The following ARL5A variants were observed in gnomAD, a reference collection of about 807,000 sequenced individuals.
ARL5A encodes ADP-ribosylation factor-like protein 5A.
Under a neutral mutation model 25.9 loss-of-function variants are expected in ARL5A, and 18 were observed. The observed-to-expected ratio is 0.69, with a 90% confidence interval of 0.48 to 1.03. ARL5A has a LOEUF of 1.03. ARL5A is among the 50% of genes least tolerant of loss of function. The pLI is 0.00. For missense variants in ARL5A, 170 were observed against 211.9 expected (o/e 0.80, Z 1.23); for synonymous variants, 61 against 67.5 (o/e 0.90, Z 0.47).
intron 1 of ARL5A, among the ~76,000 whole-genome samples, chr2:151,823,290 T>C (rs186221228): frequency 6.6e-6 from 1 of 152,158 alleles, no homozygotes; most frequent in Non-Finnish European, 1.5e-5. Context: ...TCTGCTTAAG[T>C]CGTTTTGTAT....
At chr2:151,818,482 T>C (rs1407577923) in intron 1 of ARL5A, among the ~76,000 whole-genome samples, 1 of 152,056 alleles carries the variant, frequency 6.6e-6, no homozygotes, top group Non-Finnish European at 1.5e-5. Context: ...TCCCTGTGTT[T>C]CCCAGGCCGG....
rs746379591 is a variant in ARL5A, at chr2:151,814,252, T to C, written c.172A>G (p.Asn58Asp). Residue 58 changes from asparagine (N) to aspartate (D), a missense_variant, in exon 3 of 6, where the codon AAT becomes GAT. By Grantham distance (23) the Asn-to-Asp change is conservative (BLOSUM62 1). Transcript: ENST00000295087. The stretch of plus-strand genomic sequence containing the variant: ...TCCCACATTAGGAAACGTGTATTAT[T>C]AATCACTATCTCTTCTACATTACTT... Reference protein sequence around the residue: ...IGSNVEEIVINNTRFLMWDIG... With the variant: ...IGSNVEEIVIDNTRFLMWDIG... 8 of 1,606,218 alleles carry C rather than the reference T, an allele frequency of 5.0e-6. No homozygotes were observed. The highest frequency in any genetic ancestry group is 1.7e-4 in the Middle Eastern group (1 of 5,742).
chr2:151,825,801 T>C (rs1244481031), intron 1 of ARL5A, among the ~76,000 whole-genome samples: 1 of 151,030 alleles, frequency 6.6e-6, no homozygotes, highest in Non-Finnish European at 1.5e-5. Flanking sequence ...AACACATATC[T>C]AACTTATATA....
chr2:151,812,584 T>C (rs758945531), intron 3 of ARL5A, 144 bp from the exon 4 acceptor site: 1 of 501,068 alleles, frequency 2.0e-6, no homozygotes, highest in Non-Finnish European at 3.4e-6. Context: ...TACCTATACA[T>C]TGTGAAGCCA....
At chr2:151,809,559 T>C (rs13386934) in intron 4 of ARL5A, among the ~76,000 whole-genome samples, 14,687 of 152,228 alleles carry the variant, frequency 0.096, 918 homozygotes, top group African/African-American at 0.18. Flanking sequence ...AGAAAATAGA[T>C]ATATTAAATT....
At position 151,824,612 on chromosome 2, in the gene ARL5A, C is replaced by T. The variant is rs369213452; in HGVS notation, c.46+3519G>A. On this transcript the variant is annotated intron_variant, in intron 1 of 5. Coordinates refer to ENST00000295087, the MANE Select transcript of ARL5A (RefSeq NM_012097.4). The stretch of plus-strand genomic sequence containing the variant: ...ATACTTATAATTCCTTTTCTAGCAA[C>T]CAACCAAGAGAGCAATACAAGGCTA... Among the ~76,000 whole-genome samples the T allele has an allele frequency of 1.6e-4, 25 of 152,266 alleles. No homozygotes were observed. In the East Asian group the frequency reaches 2.9e-3, roughly 18 times the overall value.
chr2:151,820,741 G>C (rs71415182), intron 1 of ARL5A, among the ~76,000 whole-genome samples: 2 of 151,366 alleles, frequency 1.3e-5, no homozygotes, highest in Admixed American at 6.6e-5. Context: ...GCGTGTCGGA[G>C]ACAGTGATAA....
At chr2:151,806,385 T>C (rs529476710) in intron 5 of ARL5A, among the ~76,000 whole-genome samples, 1 of 152,298 alleles carries the variant, frequency 6.6e-6, no homozygotes, top group Admixed American at 6.5e-5. Context: ...TTGAGCTTCT[T>C]TATGCAGAAA....
chr2:151,803,239 C>A lies in ARL5A; in HGVS notation c.*37G>T, dbSNP rs765140527. 6.5e-7 allele frequency: 1 copy of A among 1,544,334 alleles called. No individual in the cohort carries two copies. Among genetic ancestry groups the A allele is most frequent in the Non-Finnish European group, 8.9e-7 (1 of 1,119,740 alleles). On this transcript the variant is annotated 3_prime_UTR_variant, in exon 6 of 6. Transcript: ENST00000295087. Reference sequence around the variant, plus strand: ...AGCTTTCAGGTAAAGTCCAGCACTTCATTTATACAAAATCTATGAGAAGAG... The same window carrying A: ...AGCTTTCAGGTAAAGTCCAGCACTTAATTTATACAAAATCTATGAGAAGAG...
chr2:151,812,358 T>C lies in ARL5A; in HGVS notation c.338A>G (p.Glu113Gly), dbSNP rs143420605. 3 of 1,596,368 alleles carry C rather than the reference T, an allele frequency of 1.9e-6. No homozygotes were observed. The African/African-American group carries it at 4.0e-5, about 21-fold the overall frequency. ...REELYKMLAHEDLRKAGLLIF... is the reference protein window; with the variant it reads ...REELYKMLAHGDLRKAGLLIF... ...AATGTAAAAAGACTACTTACTTACCTCATGCGCTAACATTTTATAGAGTTC... is the reference window on the plus strand; with the variant it reads ...AATGTAAAAAGACTACTTACTTACCCCATGCGCTAACATTTTATAGAGTTC... The change falls in exon 4 of 6, where the codon GAG becomes GGG. Residue 113 changes from glutamate (E) to glycine (G), a missense_variant and splice_region_variant. Transcript: ENST00000295087.
chr2:151,806,536 C>G (rs1326697753), intron 5 of ARL5A, among the ~76,000 whole-genome samples: 1 of 152,188 alleles, frequency 6.6e-6, no homozygotes, highest in Non-Finnish European at 1.5e-5. Flanking sequence ...TATTTCCTAA[C>G]TTCTCCAGCT....
At chr2:151,806,747 A>T in intron 5 of ARL5A, 74 bp downstream of exon 5, 1 of 1,411,392 alleles carries the variant, frequency 7.1e-7, no homozygotes, top group Non-Finnish European at 9.6e-7. Flanking sequence ...TTAAATATTT[A>T]GGAGTTTAAA....
chr2:151,822,870 T>C (rs1324626278), intron 1 of ARL5A, among the ~76,000 whole-genome samples: 4 of 152,246 alleles, frequency 2.6e-5, no homozygotes, highest in Non-Finnish European at 5.9e-5. Flanking sequence ...AATTGCTTCT[T>C]GTTTCCCTTT....
intron 1 of ARL5A, among the ~76,000 whole-genome samples, chr2:151,823,081 G>T (rs552351551): frequency 1.3e-5 from 2 of 152,116 alleles, no homozygotes; most frequent in African/African-American, 4.8e-5. Context: ...GAGTCCTCTT[G>T]ATTCATCATT....
intron 4 of ARL5A, among the ~76,000 whole-genome samples, chr2:151,809,490 A>G (rs2099830535): frequency 6.6e-6 from 1 of 152,216 alleles, no homozygotes; most frequent in Non-Finnish European, 1.5e-5. Context: ...AGAGAAGAAA[A>G]TCTTCATTTG....
intron 1 of ARL5A, among the ~76,000 whole-genome samples, chr2:151,824,683 GTTC>G (rs911626391): frequency 6.6e-6 from 1 of 150,776 alleles, no homozygotes; most frequent in Non-Finnish European, 1.5e-5. Flanking sequence ...ACATCAGTCA[GTTC>G]TTTTTATCTG....
chr2:151,824,839 C>T (rs1263649810), intron 1 of ARL5A, among the ~76,000 whole-genome samples: 6 of 152,060 alleles, frequency 3.9e-5, no homozygotes, highest in South Asian at 2.1e-4. Flanking sequence ...TCCGGCACTA[C>T]GTAATCGTGG....
In ARL5A at chr2:151,799,232, A is replaced by G. The variant is rs1336440274; in HGVS notation, c.*4044T>C. ...CTCTATCTGCATTTACAGTCAATGC[A>G]TGACAAGTGATTATTTCGATGTCTT... is the stretch of plus-strand genomic sequence containing the variant. On this transcript the variant is annotated 3_prime_UTR_variant, in exon 6 of 6. Transcript: ENST00000295087. 1 of 152,224 alleles carries G rather than the reference A, an allele frequency of 6.6e-6. No homozygotes were observed. Among genetic ancestry groups the G allele is most frequent in the Non-Finnish European group, 1.5e-5 (1 of 68,034 alleles). 9.4% of individuals were successfully genotyped at this position (152,224 alleles called of 1,614,324 possible). A position where few individuals can be genotyped will look rare whatever the true frequency, so the allele number is the denominator to read the frequency against.
At chr2:151,827,972 G>T in intron 1 of ARL5A, 159 bp downstream of exon 1, 1 of 688,320 alleles carries the variant, frequency 1.5e-6, no homozygotes, top group Non-Finnish European at 2.5e-6. Flanking sequence ...CGGGAGCCGG[G>T]ACCGAACCGT....
Sources: gnomAD v4.1 joint callset for allele counts (sites outside exome capture counted in the v4.1 genomes callset) on GRCh38, gnomAD v4.1.1 for gene constraint, MANE v1.5 for transcripts, NCBI Gene and HGNC (gene_info 2026-07-23, HGNC 2026-07-21) for gene names.